PFKL: variants seen among roughly 807,000 people sequenced by gnomAD.
PFKL encodes phosphofructokinase, liver type, also known as ATP-dependent 6-phosphofructokinase, liver type.
PFKL carries 74 observed loss-of-function variants against 92.1 expected under a neutral mutation model. That is an observed-to-expected ratio of 0.80 (90% confidence interval 0.67 to 0.97). PFKL has a LOEUF of 0.97. Among genes scored for constraint, PFKL ranks in the 50% least tolerant of loss-of-function variants. PFKL has a pLI of 0.00. For synonymous variants in PFKL, 494 were observed against 456.4 expected, an observed-to-expected ratio of 1.08 and a Z score of -1.05; for missense variants, 1,028 against 1,116.6, an observed-to-expected ratio of 0.92 and a Z score of 1.13.
Position 44,322,960 on chromosome 21 carries a change from A to C in PFKL, c.1410-2A>C. On this transcript the variant is annotated splice_acceptor_variant, in intron 14 of 21. Transcript: ENST00000349048. LOFTEE classifies it high-confidence loss of function. ...TTCATGCGGATGTGTCTTTGACTGC[A>C]GGACCCTGCCCAAGGGCCAGCTGGA... 2 of 1,609,542 alleles carry C rather than the reference A, an allele frequency of 1.2e-6. No homozygotes were observed. The highest frequency in any genetic ancestry group is 1.7e-6 in the Non-Finnish European group (2 of 1,177,120).
chr21:44,322,967 T>C lies in PFKL; in HGVS notation c.1415T>C (p.Leu472Pro). Residue 472 changes from leucine (L) to proline (P), a missense_variant, in exon 15 of 22, where the codon CTG becomes CCG. Leu to Pro is a moderately conservative substitution (Grantham distance 98). Coordinates refer to ENST00000349048, the MANE Select transcript of PFKL (RefSeq NM_002626.6). ...GGSMLGTKRT[L>P]PKGQLESIVE... ...GGATGTGTCTTTGACTGCAGGACCC[T>C]GCCCAAGGGCCAGCTGGAGTCCATT... The C allele has an allele frequency of 6.2e-7, 1 of 1,611,106 alleles. No individual in the cohort carries two copies. The highest frequency in any genetic ancestry group is 8.5e-7 in the Non-Finnish European group (1 of 1,178,310).
At chr21:44,321,591 C>T (rs1158932912) in intron 12 of PFKL, 138 bp from the exon 13 acceptor site, 29 of 741,954 alleles carry the variant, frequency 3.9e-5, no homozygotes, top group Non-Finnish European at 5.1e-5. Context: ...GGCAGTTGGG[C>T]GGTGTGCTGG....
At chr21:44,326,622 C>T (rs2047519153) in intron 21 of PFKL, 93 bp from the exon 22 acceptor site, 3 of 1,215,000 alleles carry the variant, frequency 2.5e-6, no homozygotes, top group Non-Finnish European at 3.2e-6. Context: ...GCACAGGCTG[C>T]AGGGTCGGGG....
In PFKL at chr21:44,324,656, G is replaced by T; in HGVS notation, c.1815+1G>T. 1 of 1,584,262 alleles carries T rather than the reference G, an allele frequency of 6.3e-7. No homozygotes were observed. Among genetic ancestry groups the T allele is most frequent in the Non-Finnish European group, 8.6e-7 (1 of 1,163,388 alleles). The stretch of plus-strand genomic sequence containing the variant: ...CCCTTTCAACATCCACGACTTAAAG[G>T]TGAGCCCAGCCCAGCCCCTGCTGCG... On this transcript the variant is annotated splice_donor_variant, in intron 17 of 21. Transcript: ENST00000349048. LOFTEE classifies it high-confidence loss of function.
chr21:44,313,974 C>T lies in PFKL; in HGVS notation c.700C>T (p.Pro234Ser), dbSNP rs776906809. ...CGACTGGCTGTTCATCCCCGAGGCT[C>T]CACCCGAGGACGGCTGGGAGAACTT... ...GADWLFIPEA[P>S]PEDGWENFMC... The change falls in exon 7 of 22, where the codon CCA becomes TCA. Residue 234 changes from proline (P) to serine (S), a missense_variant. Transcript: ENST00000349048. The T allele has an allele frequency of 1.2e-6, 2 of 1,608,612 alleles. No homozygotes were observed. Among genetic ancestry groups the T allele is most frequent in the Non-Finnish European group, 1.7e-6 (2 of 1,178,612 alleles).
intron 4 of PFKL, 94 bp downstream of exon 4, chr21:44,312,388 C>T: frequency 8.3e-7 from 1 of 1,200,926 alleles, no homozygotes; most frequent in Non-Finnish European, 1.1e-6. Context: ...ACGAGGGATC[C>T]CTGGGTGCCC....
chr21:44,308,655 A>G (rs997646480), intron 2 of PFKL, among the ~76,000 whole-genome samples: 29 of 146,730 alleles, frequency 2.0e-4, no homozygotes, highest in Admixed American at 5.6e-4. Flanking sequence ...TCTGCCTCCC[A>G]GGTTCAAGCA....
At chr21:44,318,939 C>T (rs1330058912) in intron 10 of PFKL, among the ~76,000 whole-genome samples, 1 of 152,080 alleles carries the variant, frequency 6.6e-6, no homozygotes, top group Admixed American at 6.5e-5. Context: ...AGAGCAGAGC[C>T]CTGGGAGGAG....
In PFKL at chr21:44,318,629, G is replaced by A. The variant is rs200976372; in HGVS notation, c.1062+34G>A. 2,240 of 1,439,636 alleles carry A rather than the reference G, an allele frequency of 1.6e-3. 9 individuals carry two copies. The highest frequency in any genetic ancestry group is 3.6e-3 in the South Asian group (242 of 67,486). The allele number at this position is 1,439,636 out of a possible 1,614,324, so 89.2% of individuals were successfully genotyped here. A position where few individuals can be genotyped will look rare whatever the true frequency, so the allele number is the denominator to read the frequency against. On this transcript the variant is annotated intron_variant, in intron 10 of 21. Transcript: ENST00000349048. ...TGGGCCCCCCCCATCAGAACCGCCT[G>A]GCCCCTCTCCCCAGTCCCCACTCAC...
rs1365970377 is a variant in PFKL at position 44,321,815 on chromosome 21, C to T, written c.1278C>T (p.Ile426=). ...TGCGCTCGGCGGTGCGGACCGGCAT[C>T]TCCCATGGACACACAGTATACGTGG... is the stretch of plus-strand genomic sequence containing the variant. The part of the protein sequence containing the change: ...AAVRSAVRTG[I]SHGHTVYVVH... Residue 426 remains isoleucine, a synonymous_variant, in exon 13 of 22, where the codon ATC becomes ATT. Coordinates refer to ENST00000349048, the MANE Select transcript of PFKL (RefSeq NM_002626.6). The T allele has an allele frequency of 6.2e-7, 1 of 1,601,724 alleles. No homozygotes were observed. The highest frequency in any genetic ancestry group is 8.5e-7 in the Non-Finnish European group (1 of 1,174,036).
chr21:44,323,317 G>A (rs111465244), intron 15 of PFKL, among the ~76,000 whole-genome samples: 4 of 152,162 alleles, frequency 2.6e-5, no homozygotes, highest in Non-Finnish European at 4.4e-5. Context: ...ACAAGGTTCC[G>A]ATTAACCCCA....
intron 1 of PFKL, among the ~76,000 whole-genome samples, chr21:44,303,488 G>A (rs938744256): frequency 1.1e-4 from 16 of 140,212 alleles, no homozygotes; most frequent in East Asian, 6.4e-4. Flanking sequence ...CCTTCATCTC[G>A]CCCTGGCCTG....
At chr21:44,305,392 G>A (rs763042947) in intron 1 of PFKL, 5 of 1,364,306 alleles carry the variant, frequency 3.7e-6, no homozygotes, top group African/African-American at 1.5e-5. Context: ...GGGAGCTGCC[G>A]AGGCTTGAGC....
chr21:44,325,104 G>T, intron 18 of PFKL, 49 bp from the exon 19 acceptor site: 13 of 1,376,210 alleles, frequency 9.4e-6, no homozygotes, highest in Non-Finnish European at 1.2e-5. Context: ...AGGATCGGGG[G>T]GAGACCTGAA....
At chr21:44,311,171 GAGAC>G in intron 3 of PFKL, 88 bp downstream of exon 3, 2 of 981,074 alleles carry the variant, frequency 2.0e-6, no homozygotes, top group Non-Finnish European at 1.5e-6. Flanking sequence ...CACACACACA[GAGAC>G]AGACACGTGC....
Position 44,312,289 on chromosome 21 carries a change from C to A in PFKL, c.422C>A (p.Ala141Glu), listed in dbSNP as rs543848916. 1 of 1,588,724 alleles carries A rather than the reference C, an allele frequency of 6.3e-7. No individual in the cohort carries two copies. Among genetic ancestry groups the A allele is most frequent in the African/African-American group, 1.4e-5 (1 of 73,530 alleles). Residue 141 changes from alanine to glutamate, a missense_variant, in exon 4 of 22, where the codon GCG (alanine) becomes GAG (glutamate). Coordinates refer to ENST00000349048, the MANE Select transcript of PFKL (RefSeq NM_002626.6). ...GGCAGCCTGCTGGAGGAGCTGGTGG[C>A]GGAAGGTGGGTCTGTGCCCGGCGCA... is the stretch of plus-strand genomic sequence containing the variant. ...EWGSLLEELV[A>E]EGKISETTAR...
intron 1 of PFKL, chr21:44,304,139 A>G: frequency 8.3e-7 from 1 of 1,207,132 alleles, no homozygotes; most frequent in Non-Finnish European, 1.1e-6. Flanking sequence ...AGGGCTCAGC[A>G]CAAAGCTGGG....
Position 44,324,867 on chromosome 21 carries a change from G to A in PFKL, c.1827G>A (p.Glu609=), listed in dbSNP as rs1243172889. The change falls in exon 18 of 22, where the codon GAG becomes GAA. Residue 609 remains glutamate (E), a synonymous_variant. Coordinates refer to ENST00000349048, the MANE Select transcript of PFKL (RefSeq NM_002626.6). ...FNIHDLKVNV[E]HMTEKMKTDI... ...CGCCCCTCCCGCAGGTCAACGTGGA[G>A]CACATGACGGAGAAGATGAAGACAG... 6.2e-7 allele frequency: 1 copy of A among 1,608,454 alleles called. No homozygotes were observed. The highest frequency in any genetic ancestry group is 1.1e-5 in the South Asian group (1 of 90,548).
Position 44,325,273 on chromosome 21 carries a change from C to T in PFKL, c.1989+9C>T, listed in dbSNP as rs1293200666. The T allele has an allele frequency of 1.3e-6, 2 of 1,554,122 alleles. No homozygotes were observed. The highest frequency in any genetic ancestry group is 2.7e-5 in the African/African-American group (2 of 73,716). Reference sequence around the variant, plus strand: ...TGGGCCACCTGCAGCAGGTGTGGGGCAGGGGTGAGGCTCTGAGAGGCCTGC... The same window carrying T: ...TGGGCCACCTGCAGCAGGTGTGGGGTAGGGGTGAGGCTCTGAGAGGCCTGC... On this transcript the variant is annotated intron_variant, in intron 19 of 21. Coordinates refer to ENST00000349048, the MANE Select transcript of PFKL (RefSeq NM_002626.6).
Sources: gnomAD v4.1 joint callset for allele counts (sites outside exome capture counted in the v4.1 genomes callset) on GRCh38, gnomAD v4.1.1 for gene constraint, MANE v1.5 for transcripts, NCBI Gene and HGNC (gene_info 2026-07-23, HGNC 2026-07-21) for gene names.